KANK4: variants seen among roughly 807,000 people sequenced by gnomAD.
KANK4 encodes the protein KN motif and ankyrin repeat domains 4, also known as KN motif and ankyrin repeat domain-containing protein 4.
Under a neutral mutation model 80.8 loss-of-function variants are expected in KANK4, and 50 were observed. The ratio of observed to expected loss-of-function variants is 0.62; its 90% CI spans 0.49 to 0.78. KANK4 has a LOEUF of 0.78. Among genes scored for constraint, KANK4 ranks in the 30% least tolerant of loss-of-function variants. KANK4 has a pLI of 0.00. For missense variants in KANK4, 1,196 were observed against 1,240.1 expected, an observed-to-expected ratio of 0.96 and a Z score of 0.53; for synonymous variants, 465 against 506.9, an observed-to-expected ratio of 0.92 and a Z score of 1.11.
At chr1:62,276,777 C>G (rs1488726705) in intron 2 of KANK4, among the ~76,000 whole-genome samples, 1 of 138,962 alleles carries the variant, frequency 7.2e-6, no homozygotes, top group Non-Finnish European at 1.5e-5. Context: ...AACTCCATCT[C>G]AAAAATAAGA....
intron 7 of KANK4, among the ~76,000 whole-genome samples, chr1:62,260,669 T>C (rs1671863827): frequency 6.6e-6 from 1 of 152,102 alleles, no homozygotes; most frequent in South Asian, 2.1e-4. Flanking sequence ...CCAGTGGCAC[T>C]CTCCGTCCCC....
intron 1 of KANK4, among the ~76,000 whole-genome samples, chr1:62,285,684 T>G (rs1672547562): frequency 1.3e-5 from 2 of 152,210 alleles, no homozygotes; most frequent in South Asian, 4.2e-4. Flanking sequence ...TCTTGGAGAA[T>G]TCAACCTTAC....
At position 62,273,688 on chromosome 1, in the gene KANK4, C is replaced by G. The variant is rs1346235530; in HGVS notation, c.1416G>C (p.Val472=). The G allele has an allele frequency of 6.2e-7, 1 of 1,614,148 alleles. No individual in the cohort carries two copies. Among genetic ancestry groups the G allele is most frequent in the East Asian group, 2.2e-5 (1 of 44,860 alleles). ...GTGGCAGTGACAGCTGGGGCAGAAG[C>G]ACACGTTCTGCTGGGCTCTGATTCC... is the stretch of plus-strand genomic sequence containing the variant. ...KQGNQSPAER[V]LLPQLSLPQG... is the part of the protein sequence containing the mutation. Residue 472 remains valine, a synonymous_variant, in exon 3 of 10, where the codon GTG becomes GTC. Transcript: ENST00000371153.
chr1:62,241,602 T>C (rs753224312), intron 9 of KANK4, among the ~76,000 whole-genome samples: 1 of 152,166 alleles, frequency 6.6e-6, no homozygotes, highest in Non-Finnish European at 1.5e-5. Context: ...ACAAACATTG[T>C]TGAAAGAGAG....
At chr1:62,313,618 C>CA (rs1644515009) in intron 1 of KANK4, among the ~76,000 whole-genome samples, 1 of 151,998 alleles carries the variant, frequency 6.6e-6, no homozygotes, top group Non-Finnish European at 1.5e-5. Context: ...CATTACACCG[C>CA]ATGTTCTCAT....
chr1:62,266,263 A>G (rs1672016103), intron 6 of KANK4, among the ~76,000 whole-genome samples: 2 of 152,318 alleles, frequency 1.3e-5, no homozygotes, highest in African/African-American at 4.8e-5. Flanking sequence ...GGTAAAGGAG[A>G]GAACACCCAG....
chr1:62,296,987 C>T (rs1421818874), intron 1 of KANK4, among the ~76,000 whole-genome samples: 2 of 151,550 alleles, frequency 1.3e-5, no homozygotes, highest in Non-Finnish European at 1.5e-5. Context: ...GAGGCCGAGG[C>T]GGGTGGATCA....
At chr1:62,291,499 T>G (rs1183960238) in intron 1 of KANK4, among the ~76,000 whole-genome samples, 1 of 152,224 alleles carries the variant, frequency 6.6e-6, no homozygotes, top group Non-Finnish European at 1.5e-5. Flanking sequence ...TGGAGTGCAG[T>G]GGCACAATCA....
chr1:62,316,159 G>A (rs7541472), intron 1 of KANK4, among the ~76,000 whole-genome samples: 9,090 of 152,300 alleles, frequency 0.06, 939 homozygotes, highest in African/African-American at 0.2. Context: ...GCGTCCCCCA[G>A]TCTGGCCCAC....
intron 1 of KANK4, among the ~76,000 whole-genome samples, chr1:62,295,287 G>A (rs1444369361): frequency 1.3e-5 from 2 of 151,876 alleles, no homozygotes; most frequent in Admixed American, 6.6e-5. Flanking sequence ...GACTATAGGC[G>A]CCCGCCACAA....
At chr1:62,242,667 A>T (rs2067994) in intron 9 of KANK4, among the ~76,000 whole-genome samples, 1 of 151,900 alleles carries the variant, frequency 6.6e-6, no homozygotes, top group Admixed American at 6.6e-5. Flanking sequence ...TGTTCTGGGA[A>T]TTCTGCATTT....
At chr1:62,265,816 G>A (rs1448128603) in intron 6 of KANK4, among the ~76,000 whole-genome samples, 1 of 152,158 alleles carries the variant, frequency 6.6e-6, no homozygotes, top group African/African-American at 2.4e-5. Flanking sequence ...AAGCCATGAA[G>A]GTGTGAAGGA....
At chr1:62,276,007 T>C (rs1672305165) in intron 2 of KANK4, among the ~76,000 whole-genome samples, 1 of 151,656 alleles carries the variant, frequency 6.6e-6, no homozygotes, top group South Asian at 2.1e-4. Flanking sequence ...AAGGGCCAAT[T>C]AATGTCAAAA....
At chr1:62,295,781 T>A (rs1280168893) in intron 1 of KANK4, among the ~76,000 whole-genome samples, 1 of 152,242 alleles carries the variant, frequency 6.6e-6, no homozygotes, top group Non-Finnish European at 1.5e-5. Flanking sequence ...TTAAAAAGAA[T>A]GTGGCCAGCG....
intron 8 of KANK4, among the ~76,000 whole-genome samples, chr1:62,248,618 T>G (rs1212942099): frequency 6.6e-6 from 1 of 151,424 alleles, no homozygotes; most frequent in Non-Finnish European, 1.5e-5. Context: ...CGATCTCAGT[T>G]CACTGCAACC....
chr1:62,258,386 T>C (rs1570978636), intron 7 of KANK4, among the ~76,000 whole-genome samples: 2 of 152,236 alleles, frequency 1.3e-5, no homozygotes, highest in South Asian at 4.1e-4. Context: ...TCTCAATTGA[T>C]CTACCATTTC....
rs763026814 is a variant in KANK4 at position 62,275,063 on chromosome 1, T to A, written c.41A>T (p.Asp14Val). ...GCTCTTCGGAGGGTCTTTCTCTTCA[T>A]CCCCCTGAGAGGACTGGTCTTTGGC... The part of the protein sequence containing the change: ...TDAKDQSSQG[D>V]EEKDPPKSHP... The change falls in exon 3 of 10, where the codon GAT becomes GTT. Residue 14 changes from aspartate (D) to valine (V), a missense_variant. Physicochemically the swap from Asp to Val is radical, Grantham distance 152. This residue lies in a region of KANK4 where 36 missense variants were observed against 34.0 expected (regional missense o/e 1.06). Coordinates refer to ENST00000371153, the MANE Select transcript of KANK4 (RefSeq NM_181712.5). 8 of 1,611,098 alleles carry A rather than the reference T, an allele frequency of 5.0e-6. No homozygotes were observed. The African/African-American group carries it at 9.4e-5, about 19-fold the overall frequency.
chr1:62,285,646 C>T (rs1397003708), intron 1 of KANK4, among the ~76,000 whole-genome samples: 1 of 152,142 alleles, frequency 6.6e-6, no homozygotes, highest in Non-Finnish European at 1.5e-5. Flanking sequence ...CAGCTTGGCT[C>T]AAGTCTCAGC....
intron 1 of KANK4, among the ~76,000 whole-genome samples, chr1:62,316,687 A>T (rs1298756326): frequency 6.6e-6 from 1 of 152,208 alleles, no homozygotes; most frequent in Non-Finnish European, 1.5e-5. Flanking sequence ...TTTTCATCAG[A>T]ATCTCAAAGA....
Sources: gnomAD v4.1 joint callset for allele counts (sites outside exome capture counted in the v4.1 genomes callset) on GRCh38, gnomAD v4.1.1 for gene constraint, gnomAD v4.1.1 regional missense constraint, MANE v1.5 for transcripts, NCBI Gene and HGNC (gene_info 2026-07-23, HGNC 2026-07-21) for gene names.